Variants in PCDHA1 observed in about 807,000 individuals in gnomAD.
The protein encoded by PCDHA1 is protocadherin alpha-1.
Under a neutral mutation model 61.3 loss-of-function variants are expected in PCDHA1, and 42 were observed. That is an observed-to-expected ratio of 0.69 (90% confidence interval 0.54 to 0.89). The LOEUF (loss-of-function observed/expected upper bound fraction) is 0.89, where lower values mean the gene tolerates loss of function less well. PCDHA1 is among the 40% of genes least tolerant of loss of function. The pLI, the probability that PCDHA1 is intolerant of heterozygous loss-of-function variation, is 0.00. For synonymous variants in PCDHA1, 610 were observed against 553.8 expected (o/e 1.10, Z -1.43); for missense variants, 1,256 against 1,235.3 (o/e 1.02, Z -0.25).
intron 1 of PCDHA1, among the ~76,000 whole-genome samples, chr5:140,798,849 T>G (rs1004986334): frequency 6.6e-6 from 1 of 152,232 alleles, no homozygotes; most frequent in Admixed American, 6.5e-5. Flanking sequence ...AATAACTGTC[T>G]TAAACGGTCC....
At chr5:140,880,861 T>C (rs1416708298) in intron 1 of PCDHA1, among the ~76,000 whole-genome samples, 1 of 152,188 alleles carries the variant, frequency 6.6e-6, no homozygotes, top group African/African-American at 2.4e-5. Context: ...AGTCTAATTA[T>C]GTGAAGAGGT....
intron 1 of PCDHA1, chr5:140,883,909 C>T: frequency 6.2e-7 from 1 of 1,613,472 alleles, no homozygotes; most frequent in Non-Finnish European, 8.5e-7. Flanking sequence ...CTCTGGGCAG[C>T]AACGTGACGC....
chr5:140,995,401 G>A (rs576317630), intron 3 of PCDHA1, among the ~76,000 whole-genome samples: 7 of 152,238 alleles, frequency 4.6e-5, no homozygotes, highest in African/African-American at 1.4e-4. Context: ...GGGATGGCTC[G>A]AGATTTCATC....
intron 1 of PCDHA1, chr5:140,795,004 C>T (rs781937670): frequency 6.2e-7 from 1 of 1,613,720 alleles, no homozygotes; most frequent in South Asian, 1.1e-5. Flanking sequence ...GGCCTGGACA[C>T]GGCTGCTCTC....
At position 140,803,628 on chromosome 5, in the gene PCDHA1, T is replaced by C. The variant is rs1554122906; in HGVS notation, c.2394+14944T>C. 5 of 1,613,976 alleles carry C rather than the reference T, an allele frequency of 3.1e-6. No homozygotes were observed. The African/African-American group carries it at 4.0e-5, about 13-fold the overall frequency. On this transcript the variant is annotated intron_variant, in intron 1 of 3. Transcript: ENST00000504120. Reference sequence around the variant, plus strand: ...TTATTTATTCTTTCCAAAATGTCTTTGTTTTTCATTCCTCAATGTTTCCAC... The same window carrying C: ...TTATTTATTCTTTCCAAAATGTCTTCGTTTTTCATTCCTCAATGTTTCCAC...
At chr5:140,926,872 AC>A in intron 1 of PCDHA1, 1 of 1,525,488 alleles carries the variant, frequency 6.6e-7, no homozygotes, top group Non-Finnish European at 8.8e-7. Flanking sequence ...TGTTGGTGGA[AC>A]GTGGACGCCT....
Position 140,787,061 on chromosome 5 carries a change from T to C in PCDHA1, c.771T>C (p.Asn257=), listed in dbSNP as rs781966484. The C allele has an allele frequency of 6.9e-5, 112 of 1,614,066 alleles. No homozygotes were observed. The highest frequency in any genetic ancestry group is 9.5e-5 in the Non-Finnish European group (112 of 1,180,036). The change falls in exon 1 of 4, where the codon AAT becomes AAC. Residue 257 remains asparagine, a synonymous_variant. Transcript: ENST00000504120. ...TCCACTTGTTAGAGACTACAGCAAA[T>C]GGAACATTAGTGACCACATTAAATG... ...YRVHLLETTA[N]GTLVTTLNAS...
At chr5:140,939,411 AT>A (rs797027145) in intron 1 of PCDHA1, among the ~76,000 whole-genome samples, 1 of 152,050 alleles carries the variant, frequency 6.6e-6, no homozygotes, top group East Asian at 1.9e-4. Context: ...GTAAATCAGC[AT>A]TTTTTTCTTC....
At chr5:140,832,788 A>C (rs1330713880) in intron 1 of PCDHA1, among the ~76,000 whole-genome samples, 1 of 152,194 alleles carries the variant, frequency 6.6e-6, no homozygotes, top group Non-Finnish European at 1.5e-5. Context: ...AGAAAGGTAC[A>C]TCATAGTGTT....
chr5:140,884,150 A>G (rs782776110), intron 1 of PCDHA1: 14 of 1,613,346 alleles, frequency 8.7e-6, no homozygotes, highest in Non-Finnish European at 1.1e-5. Context: ...GGGGCTGTAC[A>G]CTGGCGAGAT....
intron 1 of PCDHA1, chr5:140,804,930 T>C: frequency 9.0e-7 from 1 of 1,105,572 alleles, no homozygotes; most frequent in Non-Finnish European, 1.2e-6. Flanking sequence ...TTTGGCACTA[T>C]CCTTTGTTGC....
chr5:140,876,899 C>T (rs781884794), intron 1 of PCDHA1: 2 of 1,614,092 alleles, frequency 1.2e-6, no homozygotes, highest in South Asian at 2.2e-5. Context: ...CACATCTTCA[C>T]GGTGTCGGCA....
intron 1 of PCDHA1, chr5:140,969,187 G>A (rs1469342094): frequency 1.2e-6 from 2 of 1,614,106 alleles, no homozygotes; most frequent in Non-Finnish European, 8.5e-7. Context: ...ACACTTTCAT[G>A]TTTTACAATA....
intron 1 of PCDHA1, among the ~76,000 whole-genome samples, chr5:140,898,530 T>A (rs1256781089): frequency 6.6e-6 from 1 of 152,228 alleles, no homozygotes; most frequent in African/African-American, 2.4e-5. Flanking sequence ...GAGGGCTCTG[T>A]TCTGTTCCAT....
At chr5:140,941,618 C>A (rs532721732) in intron 1 of PCDHA1, among the ~76,000 whole-genome samples, 1 of 151,904 alleles carries the variant, frequency 6.6e-6, no homozygotes, top group African/African-American at 2.4e-5. Context: ...CCCAGCCCAT[C>A]CTGCTTCTTA....
Position 140,829,625 on chromosome 5 carries a change from G to A in PCDHA1, c.2394+40941G>A, listed in dbSNP as rs138462086. 388 of 1,612,150 alleles carry A rather than the reference G, an allele frequency of 2.4e-4. No homozygotes were observed. The highest frequency in any genetic ancestry group is 2.9e-4 in the Non-Finnish European group (345 of 1,179,766). On this transcript the variant is annotated intron_variant, in intron 1 of 3. Coordinates refer to ENST00000504120, the MANE Select transcript of PCDHA1 (RefSeq NM_018900.4). ...GTTGTCGAGCTACATTTCGGTGCAC[G>A]CGGAGAGCGGCAAGGTGTACGCGCT...
chr5:140,997,188 G>T (rs948891203), intron 3 of PCDHA1, among the ~76,000 whole-genome samples: 1 of 151,976 alleles, frequency 6.6e-6, no homozygotes, highest in African/African-American at 2.4e-5. Context: ...GACAATTGAT[G>T]AAACTATATT....
At chr5:140,960,841 T>C (rs1554225062) in intron 1 of PCDHA1, among the ~76,000 whole-genome samples, 1 of 152,222 alleles carries the variant, frequency 6.6e-6, no homozygotes, top group African/African-American at 2.4e-5. Context: ...GGAACAGGTT[T>C]AATGGCAACT....
chr5:140,906,075 C>A (rs2153492820), intron 1 of PCDHA1, among the ~76,000 whole-genome samples: 1 of 152,246 alleles, frequency 6.6e-6, no homozygotes, highest in African/African-American at 2.4e-5. Context: ...TAGATCGCAC[C>A]CACCCAGACT....
Sources: gnomAD v4.1 joint callset for allele counts (sites outside exome capture counted in the v4.1 genomes callset) on GRCh38, gnomAD v4.1.1 for gene constraint, MANE v1.5 for transcripts, NCBI Gene and HGNC (gene_info 2026-07-23, HGNC 2026-07-21) for gene names.